Variants in GRM1 observed in about 807,000 individuals in gnomAD.
The protein encoded by GRM1 is glutamate metabotropic receptor 1.
GRM1 carries 33 observed loss-of-function variants against 90.9 expected under a neutral mutation model. The observed-to-expected ratio is 0.36, with a 90% CI of 0.28 to 0.49. The LOEUF (loss-of-function observed/expected upper bound fraction) is 0.49. Among genes scored for constraint, GRM1 ranks in the 20% least tolerant of loss-of-function variants. The probability of loss-of-function intolerance (pLI) is 0.99; values close to 1 mark genes in which losing one functional copy is unlikely to be tolerated. For synonymous variants in GRM1, 700 were observed against 613.2 expected, an observed-to-expected ratio of 1.14 and a Z score of -2.09; for missense variants, 1,190 against 1,534.3, an observed-to-expected ratio of 0.78 and a Z score of 3.75.
intron 1 of GRM1, among the ~76,000 whole-genome samples, chr6:146,113,242 C>T (rs775170292): frequency 6.6e-6 from 1 of 152,084 alleles, no homozygotes; most frequent in South Asian, 2.1e-4. Flanking sequence ...AGAAACACAT[C>T]GTAGATTGAA....
At chr6:146,077,898 A>T (rs1221508471) in intron 1 of GRM1, among the ~76,000 whole-genome samples, 1 of 152,150 alleles carries the variant, frequency 6.6e-6, no homozygotes, top group East Asian at 1.9e-4. Flanking sequence ...CTGCTGCTTC[A>T]GGTGAGCCAG....
chr6:146,258,225 A>G (rs1308025079), intron 2 of GRM1, among the ~76,000 whole-genome samples: 2 of 152,168 alleles, frequency 1.3e-5, no homozygotes, highest in Non-Finnish European at 2.9e-5. Context: ...TTTGAAAATG[A>G]GCTCCTAAGC....
chr6:146,330,188 G>A (rs538149728), intron 3 of GRM1, among the ~76,000 whole-genome samples: 27 of 152,226 alleles, frequency 1.8e-4, no homozygotes, highest in African/African-American at 4.1e-4. Flanking sequence ...CTTTAATTCC[G>A]CTGGCTGGGA....
intron 1 of GRM1, among the ~76,000 whole-genome samples, chr6:146,152,676 C>T (rs561127405): frequency 6.6e-6 from 1 of 152,092 alleles, no homozygotes; most frequent in South Asian, 2.1e-4. Context: ...GGTGTTTATC[C>T]CAGTGCCAGA....
intron 5 of GRM1, among the ~76,000 whole-genome samples, chr6:146,384,789 A>G (rs2115136679): frequency 1.3e-5 from 2 of 152,240 alleles, no homozygotes; most frequent in African/African-American, 4.8e-5. Flanking sequence ...AAAAGAAGAA[A>G]AATGACAATA....
chr6:146,088,955 G>A (rs557420623), intron 1 of GRM1, among the ~76,000 whole-genome samples: 18 of 152,074 alleles, frequency 1.2e-4, no homozygotes, highest in Non-Finnish European at 2.2e-4. Flanking sequence ...TTCAACTTTA[G>A]TGGAGGTGCA....
intron 1 of GRM1, among the ~76,000 whole-genome samples, chr6:146,082,877 G>GT (rs1263927630): frequency 6.6e-6 from 1 of 152,160 alleles, no homozygotes; most frequent in African/African-American, 2.4e-5. Flanking sequence ...AGGATGAAAT[G>GT]TTTTTCCATT....
At chr6:146,214,050 T>G (rs896871783) in intron 2 of GRM1, among the ~76,000 whole-genome samples, 3 of 152,148 alleles carry the variant, frequency 2.0e-5, no homozygotes, top group Non-Finnish European at 4.4e-5. Flanking sequence ...ATTCACCCTT[T>G]TTTCTAATTT....
intron 2 of GRM1, among the ~76,000 whole-genome samples, chr6:146,279,127 G>A (rs557809810): frequency 1.6e-3 from 246 of 152,222 alleles, no homozygotes; most frequent in African/African-American, 5.5e-3. Flanking sequence ...CTTTTAAACT[G>A]TCAACATTAT....
intron 2 of GRM1, among the ~76,000 whole-genome samples, chr6:146,180,793 G>T (rs1245954206): frequency 1.3e-5 from 2 of 152,068 alleles, no homozygotes; most frequent in African/African-American, 4.8e-5. Flanking sequence ...TTAACACACT[G>T]CACTTTAGGT....
intron 3 of GRM1, among the ~76,000 whole-genome samples, chr6:146,347,401 C>T (rs554937198): frequency 1.3e-5 from 2 of 152,032 alleles, no homozygotes; most frequent in African/African-American, 4.8e-5. Flanking sequence ...AATTTAGATC[C>T]GAATAAGAAG....
intron 1 of GRM1, among the ~76,000 whole-genome samples, chr6:146,157,801 A>G (rs999555379): frequency 6.6e-6 from 1 of 152,166 alleles, no homozygotes; most frequent in African/African-American, 2.4e-5. Flanking sequence ...TATAAATGCC[A>G]GTGAAGAAAT....
At chr6:146,421,807 A>G (rs1252509407) in intron 7 of GRM1, among the ~76,000 whole-genome samples, 2 of 152,148 alleles carry the variant, frequency 1.3e-5, no homozygotes, top group African/African-American at 4.8e-5. Context: ...TGCATGCGTT[A>G]AAAGGAAGGG....
chr6:146,139,976 G>A (rs902927543), intron 1 of GRM1, among the ~76,000 whole-genome samples: 4 of 53,870 alleles, frequency 7.4e-5, no homozygotes, highest in Admixed American at 2.6e-4. Context: ...CCTTCCCTCC[G>A]CTTCCCTCCG....
chr6:146,331,607 AAC>A (rs1784590167), intron 3 of GRM1, among the ~76,000 whole-genome samples: 1 of 152,146 alleles, frequency 6.6e-6, no homozygotes, highest in African/African-American at 2.4e-5. Context: ...TTAGGAAACA[AAC>A]AGAGTTAATT....
chr6:146,327,578 G>A (rs1032255929), intron 3 of GRM1, among the ~76,000 whole-genome samples: 6 of 152,136 alleles, frequency 3.9e-5, no homozygotes, highest in Admixed American at 6.6e-5. Flanking sequence ...ATTTTCTATA[G>A]CATCTTTGAG....
chr6:146,183,172 A>G (rs1778610390), intron 2 of GRM1, among the ~76,000 whole-genome samples: 1 of 152,090 alleles, frequency 6.6e-6, no homozygotes, highest in African/African-American at 2.4e-5. Flanking sequence ...AGTCACTGGA[A>G]AGAGAAAAGG....
intron 1 of GRM1, among the ~76,000 whole-genome samples, chr6:146,042,825 GGCCCAAT>G (rs1299333685): frequency 2.6e-5 from 4 of 151,924 alleles, no homozygotes; most frequent in Non-Finnish European, 5.9e-5. Context: ...GCCACCTACT[GGCCCAAT>G]GTCCAAAAAC....
chr6:146,260,117 A>G (rs1053892655), intron 2 of GRM1, among the ~76,000 whole-genome samples: 6 of 151,944 alleles, frequency 3.9e-5, no homozygotes, highest in Non-Finnish European at 1.5e-5. Context: ...CCATCAACCC[A>G]TCATCTGCAT....
Sources: gnomAD v4.1 joint callset for allele counts (sites outside exome capture counted in the v4.1 genomes callset) on GRCh38, gnomAD v4.1.1 for gene constraint, MANE v1.5 for transcripts, NCBI Gene and HGNC (gene_info 2026-07-23, HGNC 2026-07-21) for gene names.